The following BTBD10 variants were observed in gnomAD, a reference collection of about 807,000 sequenced individuals.
The protein encoded by BTBD10 is BTB/POZ domain-containing protein 10.
A neutral mutation model predicts 53.2 loss-of-function variants in BTBD10; 21 were observed. That is an observed-to-expected ratio of 0.39 (90% confidence interval 0.28 to 0.57). BTBD10 has a LOEUF of 0.57. Ranked by LOEUF, BTBD10 falls within the 20% of genes least tolerant of loss-of-function variation. The pLI is 0.53. For missense variants in BTBD10, 360 were observed against 594.7 expected, an observed-to-expected ratio of 0.61 and a Z score of 4.10; for synonymous variants, 149 against 192.7, an observed-to-expected ratio of 0.77 and a Z score of 1.88.
Position 13,388,508 on chromosome 11 carries a change from A to G in BTBD10, c.*323T>C. 4.3e-6 allele frequency: 1 copy of G among 235,018 alleles called. No individual in the cohort carries two copies. The highest frequency in any genetic ancestry group is 8.4e-6 in the Non-Finnish European group (1 of 118,758). The allele number at this position is 235,018 out of a possible 1,614,324, so 14.6% of individuals were successfully genotyped here. ...GTGTGATGAATATCAGTCCAAACTG[A>G]AAGTACCCCAGCTGCCAATTTCCAC... On this transcript the variant is annotated 3_prime_UTR_variant, in exon 9 of 9. Transcript: ENST00000278174.
At chr11:13,415,572 CT>C (rs1018920849) in intron 5 of BTBD10, among the ~76,000 whole-genome samples, 3 of 150,826 alleles carry the variant, frequency 2.0e-5, no homozygotes, top group African/African-American at 7.3e-5. Flanking sequence ...AAGGAGCCCC[CT>C]GCCCCTTCTT....
At chr11:13,436,635 G>A (rs1950547863) in intron 2 of BTBD10, among the ~76,000 whole-genome samples, 1 of 152,184 alleles carries the variant, frequency 6.6e-6, no homozygotes. Flanking sequence ...TCTGAACCAA[G>A]GGGTTCAATT....
At chr11:13,443,225 G>A (rs1223954037) in intron 2 of BTBD10, among the ~76,000 whole-genome samples, 1 of 147,260 alleles carries the variant, frequency 6.8e-6, no homozygotes, top group Admixed American at 6.8e-5. Context: ...CTGCGCTCCA[G>A]CCTGACAGAG....
intron 6 of BTBD10, among the ~76,000 whole-genome samples, chr11:13,409,677 G>A (rs187592404): frequency 5.3e-5 from 8 of 152,040 alleles, no homozygotes; most frequent in Admixed American, 1.3e-4. Flanking sequence ...TTCAGGTCTC[G>A]GCTTTAACGG....
chr11:13,408,284 C>T (rs1470865036), intron 6 of BTBD10, among the ~76,000 whole-genome samples: 2 of 152,182 alleles, frequency 1.3e-5, no homozygotes, highest in African/African-American at 4.8e-5. Flanking sequence ...ATTACATTCC[C>T]CCAACATCTG....
At chr11:13,449,009 A>G (rs1950799336) in intron 1 of BTBD10, among the ~76,000 whole-genome samples, 1 of 152,192 alleles carries the variant, frequency 6.6e-6, no homozygotes, top group African/African-American at 2.4e-5. Context: ...GGCTGGAACC[A>G]CTGGGCCTGT....
chr11:13,400,976 GA>G (rs1264497975), intron 8 of BTBD10, among the ~76,000 whole-genome samples: 1 of 152,096 alleles, frequency 6.6e-6, no homozygotes, highest in Non-Finnish European at 1.5e-5. Flanking sequence ...TTGGTTTAGA[GA>G]AAACAGCTAA....
intron 5 of BTBD10, among the ~76,000 whole-genome samples, chr11:13,414,856 A>AG (rs1402657521): frequency 1.3e-5 from 2 of 150,024 alleles, no homozygotes; most frequent in Non-Finnish European, 3.0e-5. Flanking sequence ...AAAAAAAAAA[A>AG]AAAAAAAAAG....
chr11:13,434,217 G>A (rs772111887), intron 2 of BTBD10, among the ~76,000 whole-genome samples: 15 of 152,168 alleles, frequency 9.9e-5, no homozygotes, highest in Non-Finnish European at 1.5e-4. Flanking sequence ...CAGCAGCAGC[G>A]CCTAAGAGTA....
chr11:13,431,004 G>GAT (rs10632016), intron 2 of BTBD10, among the ~76,000 whole-genome samples: 5,553 of 46,466 alleles, frequency 0.12, 328 homozygotes, highest in African/African-American at 0.24. Flanking sequence ...CACACACACA[G>GAT]ATATATATAT....
At chr11:13,412,175 C>T (rs1949968492) in intron 6 of BTBD10, among the ~76,000 whole-genome samples, 1 of 151,966 alleles carries the variant, frequency 6.6e-6, no homozygotes, top group South Asian at 2.1e-4. Context: ...CAACTCTGGC[C>T]AGGCACAGTG....
At position 13,440,760 on chromosome 11, in the gene BTBD10, C is replaced by T. The variant is rs193280486; in HGVS notation, c.101+4264G>A. Among the ~76,000 whole-genome samples, 7 of 152,290 alleles carry T rather than the reference C, an allele frequency of 4.6e-5. No homozygotes were observed. The East Asian group carries it at 9.7e-4, about 21-fold the overall frequency. On this transcript the variant is annotated intron_variant, in intron 2 of 8. Transcript: ENST00000278174. ...TGTATGATGCATTTATCTTTAGTAA[C>T]CTGAGTGGACTGCAGACCTGAGTTT...
chr11:13,434,821 T>C (rs1950518526), intron 2 of BTBD10, among the ~76,000 whole-genome samples: 1 of 152,194 alleles, frequency 6.6e-6, no homozygotes, highest in Admixed American at 6.5e-5. Context: ...TAGAGTGGAC[T>C]AGACTATATA....
At chr11:13,412,725 G>C (rs11022807) in intron 6 of BTBD10, among the ~76,000 whole-genome samples, 23,061 of 152,052 alleles carry the variant, frequency 0.15, 1,999 homozygotes, top group Admixed American at 0.24. Context: ...TCTTTACTAC[G>C]TATTTCCACT....
chr11:13,449,111 A>G (rs776943957), intron 1 of BTBD10, among the ~76,000 whole-genome samples: 43 of 152,170 alleles, frequency 2.8e-4, no homozygotes, highest in Non-Finnish European at 5.3e-4. Context: ...TTCTGTCTAA[A>G]CAGGAGGTGG....
chr11:13,443,708 C>A (rs1042868762), intron 2 of BTBD10, among the ~76,000 whole-genome samples: 1 of 151,966 alleles, frequency 6.6e-6, no homozygotes, highest in African/African-American at 2.4e-5. Flanking sequence ...CTCAACCTCC[C>A]AAGCAGCTGG....
chr11:13,458,572 A>C (rs1390792531), intron 1 of BTBD10, among the ~76,000 whole-genome samples: 4 of 152,180 alleles, frequency 2.6e-5, no homozygotes, highest in African/African-American at 9.7e-5. Context: ...CTTTGATCAA[A>C]ATCAGTTAAG....
At chr11:13,393,405 G>C (rs1220250548) in intron 8 of BTBD10, among the ~76,000 whole-genome samples, 2 of 152,142 alleles carry the variant, frequency 1.3e-5, no homozygotes, top group Non-Finnish European at 2.9e-5. Context: ...TAAGGGACTT[G>C]GGATTGGTAT....
intron 1 of BTBD10, among the ~76,000 whole-genome samples, chr11:13,450,531 T>C (rs576953030): frequency 1.1e-3 from 167 of 152,314 alleles, no homozygotes; most frequent in Admixed American, 0.011. Flanking sequence ...GATATGGATA[T>C]AACCACCATG....
Sources: gnomAD v4.1 joint callset for allele counts (sites outside exome capture counted in the v4.1 genomes callset) on GRCh38, gnomAD v4.1.1 for gene constraint, MANE v1.5 for transcripts, NCBI Gene and HGNC (gene_info 2026-07-23, HGNC 2026-07-21) for gene names.